The following PDE1C variants were observed in gnomAD, a reference collection of about 807,000 sequenced individuals.
The protein encoded by PDE1C is phosphodiesterase 1C, also known as dual specificity calcium/calmodulin-dependent 3',5'-cyclic nucleotide phosphodiesterase 1C.
Under a neutral mutation model 93.1 loss-of-function variants are expected in PDE1C, and 62 were observed. That is an observed-to-expected ratio of 0.67 (90% confidence interval 0.54 to 0.82). The LOEUF is 0.82. Ranked by LOEUF, PDE1C falls within the 40% of genes least tolerant of loss-of-function variation. The pLI is 0.00. For missense variants in PDE1C, 742 were observed against 884.6 expected, an observed-to-expected ratio of 0.84 and a Z score of 2.04; for synonymous variants, 325 against 310.1, an observed-to-expected ratio of 1.05 and a Z score of -0.50.
At chr7:31,679,438 T>C in the PDE1C span, among the ~76,000 whole-genome samples, 1 of 152,234 alleles carries the variant, frequency 6.6e-6, no homozygotes, top group South Asian at 2.1e-4. Context: ...TTCATGCAGT[T>C]GAAACAAAAG....
chr7:31,931,196 C>G (rs1804198569), intron 2 of PDE1C, among the ~76,000 whole-genome samples: 1 of 152,156 alleles, frequency 6.6e-6, no homozygotes, highest in Non-Finnish European at 1.5e-5. Context: ...GATGCCCTCT[C>G]TCACCACTCC....
intron 3 of PDE1C, among the ~76,000 whole-genome samples, chr7:32,157,986 T>A (rs1189285851): frequency 1.3e-5 from 2 of 152,158 alleles, no homozygotes; most frequent in Non-Finnish European, 2.9e-5. Flanking sequence ...CGGGGAAATT[T>A]AACAACTAAG....
At chr7:31,880,899 G>A (rs1313458937) in intron 2 of PDE1C, 39 bp from the exon 3 acceptor site, 1 of 1,206,570 alleles carries the variant, frequency 8.3e-7, no homozygotes, top group Non-Finnish European at 1.2e-6. Context: ...TAGAATAGAG[G>A]AAACAAAGAA....
At chr7:32,345,206 ACTCCTGT>A (rs201146839) in intron 1 of PDE1C, among the ~76,000 whole-genome samples, 2,116 of 151,984 alleles carry the variant, frequency 0.014, 33 homozygotes, top group Middle Eastern at 0.041. Context: ...TCAGGATATG[ACTCCTGT>A]CAATCATCCC....
At chr7:31,652,393 G>A in the PDE1C span, 4 of 1,382,670 alleles carry the variant, frequency 2.9e-6, no homozygotes, top group Non-Finnish European at 3.8e-6. Flanking sequence ...AGAATCTGCT[G>A]CTGGCTCAAA....
At chr7:31,777,450 T>C (rs1454841388) in intron 16 of PDE1C, among the ~76,000 whole-genome samples, 1 of 152,160 alleles carries the variant, frequency 6.6e-6, no homozygotes, top group East Asian at 1.9e-4. Context: ...TGCCTCAGCC[T>C]CCTGAGTAGC....
chr7:32,120,622 A>G (rs961006446), intron 3 of PDE1C, among the ~76,000 whole-genome samples: 2 of 152,158 alleles, frequency 1.3e-5, no homozygotes, highest in Non-Finnish European at 2.9e-5. Flanking sequence ...TCCCCAGTAA[A>G]GACAGCAGCC....
At chr7:32,129,916 T>C (rs1799823189) in intron 3 of PDE1C, among the ~76,000 whole-genome samples, 1 of 152,080 alleles carries the variant, frequency 6.6e-6, no homozygotes, top group South Asian at 2.1e-4. Flanking sequence ...CTAACGTTCT[T>C]TTACATGGTA....
rs1401025709 is a variant in PDE1C, at chr7:32,131,333, G to A, written c.308+38452C>T. 2.0e-5 allele frequency among the ~76,000 whole-genome samples: 3 copies of A among 152,116 alleles called. No homozygotes were observed. In the East Asian group the frequency reaches 5.8e-4, roughly 29 times the overall value. ...GATTCTACTAGTCTGAAAACACAAG[G>A]TCTGTATTTAATCACTTCTATATCT... On this transcript the variant is annotated intron_variant, in intron 3 of 18. Coordinates refer to the PDE1C transcript ENST00000396193.
At chr7:32,200,134 C>G (rs180771485) in intron 2 of PDE1C, among the ~76,000 whole-genome samples, 28 of 152,308 alleles carry the variant, frequency 1.8e-4, no homozygotes, top group Admixed American at 1.6e-3. Flanking sequence ...CGACCTGCAT[C>G]TCAAGTTCTT....
the PDE1C span, among the ~76,000 whole-genome samples, chr7:31,706,249 C>T: frequency 1.3e-5 from 2 of 151,814 alleles, no homozygotes; most frequent in African/African-American, 4.8e-5. Context: ...AGGCAATCCA[C>T]CCACCTTGGC....
intron 3 of PDE1C, among the ~76,000 whole-genome samples, chr7:32,087,996 T>TAAA (rs1311459027): frequency 6.7e-6 from 1 of 149,330 alleles, no homozygotes; most frequent in African/African-American, 2.5e-5. Context: ...AAACTTAAAG[T>TAAA]ATAATAATAA....
the PDE1C span, among the ~76,000 whole-genome samples, chr7:31,625,892 A>C: frequency 1.3e-5 from 2 of 152,204 alleles, no homozygotes; most frequent in African/African-American, 2.4e-5. Flanking sequence ...TCTAAAATTG[A>C]AACATTGTAT....
At chr7:31,935,628 C>G (rs142409022) in intron 2 of PDE1C, among the ~76,000 whole-genome samples, 1 of 152,060 alleles carries the variant, frequency 6.6e-6, no homozygotes, top group Non-Finnish European at 1.5e-5. Context: ...CCTGGAGACA[C>G]GCATAATAAT....
At chr7:32,009,156 A>T (rs1786713429) in intron 2 of PDE1C, among the ~76,000 whole-genome samples, 1 of 152,238 alleles carries the variant, frequency 6.6e-6, no homozygotes, top group South Asian at 2.1e-4. Flanking sequence ...AGGAACAGGC[A>T]ATGAAGGTTT....
chr7:31,986,291 C>T (rs71530566), intron 2 of PDE1C, among the ~76,000 whole-genome samples: 2,816 of 152,158 alleles, frequency 0.019, 43 homozygotes, highest in Middle Eastern at 0.044. Flanking sequence ...CCTCCTACTT[C>T]ACATGGCTTT....
At chr7:31,781,912 CT>C (rs1233956906) in intron 16 of PDE1C, among the ~76,000 whole-genome samples, 1 of 152,032 alleles carries the variant, frequency 6.6e-6, no homozygotes, top group African/African-American at 2.4e-5. Flanking sequence ...TTAAATGTGG[CT>C]TTCAAAATAT....
Position 31,824,987 on chromosome 7 carries a change from C to A in PDE1C, c.1286G>T (p.Gly429Val). The change falls in exon 13 of 18, where the codon GGT (glycine) becomes GTT (valine). Residue 429 changes from glycine (G) to valine (V), a missense_variant and splice_region_variant. Coordinates refer to ENST00000396191, the MANE Select transcript of PDE1C (RefSeq NM_001191057.4). ...KSTMVAQSQV[G>V]FIDFIVEPTF... The stretch of plus-strand genomic sequence containing the variant: ...GGGTTCCACGATGAAATCAATGAAA[C>A]CTGAAGAGAAACAGCAATGCTTCAG... 1 of 1,613,180 alleles carries A rather than the reference C, an allele frequency of 6.2e-7. No homozygotes were observed. The highest frequency in any genetic ancestry group is 1.1e-5 in the South Asian group (1 of 91,050).
In PDE1C at chr7:31,753,513, G is replaced by A. The variant is rs758777524; in HGVS notation, c.2001C>T (p.Tyr667=). The A allele has an allele frequency of 6.5e-5, 105 of 1,611,550 alleles. No individual in the cohort carries two copies. The Admixed American group carries it at 8.9e-4, about 14-fold the overall frequency. Residue 667 remains tyrosine (Y), a synonymous_variant, in exon 18 of 18, where the codon TAC becomes TAT. Coordinates refer to ENST00000396191, the MANE Select transcript of PDE1C (RefSeq NM_001191057.4). ...CTGAAGGTGCATAGGAGCTAGATGC[G>A]TAAGCAGGGCGTTTAAAATGACGCA... ...PPLRHFKRPA[Y]ASSSYAPSVS...
Sources: gnomAD v4.1 joint callset for allele counts (sites outside exome capture counted in the v4.1 genomes callset) on GRCh38, gnomAD v4.1.1 for gene constraint, MANE v1.5 for transcripts, NCBI Gene and HGNC (gene_info 2026-07-23, HGNC 2026-07-21) for gene names.